The following BORCS5 variants were observed in gnomAD, a reference collection of about 807,000 sequenced individuals.
BORCS5 encodes the protein BLOC-1-related complex subunit 5.
Under a neutral mutation model 22.1 loss-of-function variants are expected in BORCS5, and 17 were observed. The ratio of observed to expected loss-of-function variants is 0.77; its 90% CI spans 0.53 to 1.15. BORCS5 has a LOEUF of 1.15. Ranked by LOEUF, BORCS5 falls within the 50% of genes most tolerant of loss-of-function variation. The pLI, the probability that BORCS5 is intolerant of heterozygous loss-of-function variation, is 0.00. For missense variants in BORCS5, 247 were observed against 253.2 expected (o/e 0.98, Z 0.17); for synonymous variants, 117 against 99.8 (o/e 1.17, Z -1.03).
chr12:12,399,007 A>C (rs781639319), intron 2 of BORCS5, among the ~76,000 whole-genome samples: 1 of 152,232 alleles, frequency 6.6e-6, no homozygotes, highest in Middle Eastern at 3.4e-3. Flanking sequence ...GTCCCTGCCC[A>C]CTGAATTGCC....
chr12:12,381,654 C>A (rs1475832686), intron 2 of BORCS5, among the ~76,000 whole-genome samples: 1 of 151,346 alleles, frequency 6.6e-6, no homozygotes, highest in Non-Finnish European at 1.5e-5. Flanking sequence ...CTGCTTAGGA[C>A]TTTCATAGTT....
chr12:12,392,921 T>G (rs1941233816), intron 2 of BORCS5, among the ~76,000 whole-genome samples: 1 of 151,912 alleles, frequency 6.6e-6, no homozygotes, highest in African/African-American at 2.4e-5. Flanking sequence ...GTAATCTGCT[T>G]CAAATCTCCT....
chr12:12,421,141 A>C (rs1206568994), intron 2 of BORCS5, among the ~76,000 whole-genome samples: 1 of 152,098 alleles, frequency 6.6e-6, no homozygotes, highest in Non-Finnish European at 1.5e-5. Context: ...TTTCAAAGGG[A>C]ATGCTTCCAG....
chr12:12,462,419 G>T (rs113061610), intron 3 of BORCS5, among the ~76,000 whole-genome samples: 79 of 152,310 alleles, frequency 5.2e-4, no homozygotes, highest in African/African-American at 1.8e-3. Context: ...TGCTCTCATG[G>T]AATCAGCCTT....
Position 12,465,619 on chromosome 12 carries a change from A to G in BORCS5, c.434A>G (p.Gln145Arg). ...AAAAGATACGCCAAGTATGCCGAGC[A>G]GATCCAGAAAGTGAACGAGATGTCC... is the stretch of plus-strand genomic sequence containing the variant. ...RQKRYAKYAEQIQKVNEMSAI... is the reference protein window; with the variant it reads ...RQKRYAKYAERIQKVNEMSAI... The change falls in exon 4 of 4, where the codon CAG becomes CGG. Residue 145 changes from glutamine (Q) to arginine (R), a missense_variant. Coordinates refer to ENST00000314565, the MANE Select transcript of BORCS5 (RefSeq NM_058169.6). 1 of 1,614,278 alleles carries G rather than the reference A, an allele frequency of 6.2e-7. No homozygotes were observed. Among genetic ancestry groups the G allele is most frequent in the African/African-American group, 1.3e-5 (1 of 75,076 alleles).
chr12:12,426,300 G>C (rs1380633289), intron 2 of BORCS5, among the ~76,000 whole-genome samples: 2 of 152,200 alleles, frequency 1.3e-5, no homozygotes, highest in Non-Finnish European at 2.9e-5. Context: ...GAACTTCTAG[G>C]CTTAAGCAGT....
chr12:12,367,238 C>A (rs531979589), intron 2 of BORCS5, among the ~76,000 whole-genome samples: 1 of 152,248 alleles, frequency 6.6e-6, no homozygotes, highest in African/African-American at 2.4e-5. Flanking sequence ...TTCAAATGAC[C>A]AGTTTCTTCA....
rs1943231421 is a variant in BORCS5 at position 12,468,085 on chromosome 12, C to G, written c.*2309C>G. 6.6e-6 allele frequency: 1 copy of G among 152,232 alleles called. No individual in the cohort carries two copies. The highest frequency in any genetic ancestry group is 2.4e-5 in the African/African-American group (1 of 41,440). The allele number at this position is 152,232 out of a possible 1,614,324, so 9.4% of individuals were successfully genotyped here. On this transcript the variant is annotated 3_prime_UTR_variant, in exon 4 of 4. Coordinates refer to ENST00000314565, the MANE Select transcript of BORCS5 (RefSeq NM_058169.6). ...CAGCTTGTGGCTTGCAGGTCTCAGTCGTACTTGCTCTCCCTCACCATCCTT... is the reference window on the plus strand; with the variant it reads ...CAGCTTGTGGCTTGCAGGTCTCAGTGGTACTTGCTCTCCCTCACCATCCTT...
rs549460205 is a variant in BORCS5, at chr12:12,438,484, G to A, written c.360+2699G>A. On this transcript the variant is annotated intron_variant, in intron 3 of 3. Coordinates refer to ENST00000314565, the MANE Select transcript of BORCS5 (RefSeq NM_058169.6). ...GACTAGCTCTATATCAGAGAGCTGG[G>A]GAAAGTGTTTTGTAGCTGGAAGTAC... 2.6e-5 allele frequency among the ~76,000 whole-genome samples: 4 copies of A among 152,238 alleles called. No individual in the cohort carries two copies. In the South Asian group the frequency reaches 8.3e-4, roughly 32 times the overall value.
In BORCS5 at chr12:12,361,467, A is replaced by G. The variant is rs1282680513; in HGVS notation, c.202+118A>G. 5 of 1,141,956 alleles carry G rather than the reference A, an allele frequency of 4.4e-6. No homozygotes were observed. In the African/African-American group the frequency reaches 7.7e-5, roughly 18 times the overall value. 70.7% of individuals were successfully genotyped at this position (1,141,956 alleles called of 1,614,324 possible). ...TCATCTCCTTTAGGTCTTTGCTTAA[A>G]TGGCATCTTCTCAGTGAAGCCTTTC... On this transcript the variant is annotated intron_variant, in intron 2 of 3. Transcript: ENST00000314565.
At chr12:12,442,859 A>T (rs1334429911) in intron 3 of BORCS5, among the ~76,000 whole-genome samples, 1 of 152,214 alleles carries the variant, frequency 6.6e-6, no homozygotes, top group African/African-American at 2.4e-5. Flanking sequence ...ATGGGCCTGC[A>T]CACAGGGCTG....
chr12:12,366,066 A>G (rs1863400443), intron 2 of BORCS5, among the ~76,000 whole-genome samples: 1 of 152,182 alleles, frequency 6.6e-6, no homozygotes, highest in Admixed American at 6.5e-5. Context: ...TGCAGGGGCC[A>G]GGCATCACTG....
chr12:12,444,215 T>C (rs1414773781), intron 3 of BORCS5, among the ~76,000 whole-genome samples: 2 of 152,208 alleles, frequency 1.3e-5, no homozygotes, highest in Non-Finnish European at 2.9e-5. Flanking sequence ...ATAAAGGTTA[T>C]GAGGGTTGCA....
chr12:12,426,739 G>T (rs1293052676), intron 2 of BORCS5, among the ~76,000 whole-genome samples: 1 of 152,224 alleles, frequency 6.6e-6, no homozygotes, highest in East Asian at 1.9e-4. Flanking sequence ...TTTTACATAT[G>T]AGAAAATTGA....
chr12:12,422,074 T>G (rs1942141917), intron 2 of BORCS5, among the ~76,000 whole-genome samples: 1 of 152,196 alleles, frequency 6.6e-6, no homozygotes, highest in Non-Finnish European at 1.5e-5. Context: ...TGATCTTAGT[T>G]ATTTCTTGCC....
intron 3 of BORCS5, among the ~76,000 whole-genome samples, chr12:12,459,414 G>A (rs1455301071): frequency 6.7e-6 from 1 of 149,626 alleles, no homozygotes; most frequent in South Asian, 2.1e-4. Flanking sequence ...AGGTTCAAGT[G>A]ATTCTCCTGC....
chr12:12,391,402 T>TC (rs149030428), intron 2 of BORCS5, among the ~76,000 whole-genome samples: 2,940 of 151,442 alleles, frequency 0.019, 38 homozygotes, highest in Non-Finnish European at 0.032. Context: ...ACCTTTTTTT[T>TC]TGAGACAGAG....
chr12:12,395,905 A>T (rs143066213), intron 2 of BORCS5, among the ~76,000 whole-genome samples: 1,930 of 152,208 alleles, frequency 0.013, 34 homozygotes, highest in South Asian at 0.031. Flanking sequence ...ATTGGGTGCC[A>T]GGAATAAAAA....
At chr12:12,377,196 G>A (rs571113583) in intron 2 of BORCS5, among the ~76,000 whole-genome samples, 12 of 140,404 alleles carry the variant, frequency 8.5e-5, no homozygotes, top group Non-Finnish European at 1.1e-4. Context: ...TTTTTTTCTC[G>A]AGACGGAGTC....
Sources: gnomAD v4.1 joint callset for allele counts (sites outside exome capture counted in the v4.1 genomes callset) on GRCh38, gnomAD v4.1.1 for gene constraint, MANE v1.5 for transcripts, NCBI Gene and HGNC (gene_info 2026-07-23, HGNC 2026-07-21) for gene names.